The following ANKRD18B variants were observed in gnomAD, a reference collection of about 807,000 sequenced individuals.
ANKRD18B encodes ankyrin repeat domain-containing protein 18B.
In ANKRD18B, 75 loss-of-function variants were observed where a neutral mutation model predicts 111.8. That is an observed-to-expected ratio of 0.67 (90% confidence interval 0.56 to 0.81). The LOEUF is 0.81. Ranked by LOEUF, ANKRD18B falls within the 40% of genes least tolerant of loss-of-function variation. The pLI is 0.00. For synonymous variants in ANKRD18B, 356 were observed against 417.3 expected (o/e 0.85, Z 1.79); for missense variants, 1,038 against 1,225.5 (o/e 0.85, Z 2.28).
At chr9:33,556,994 A>C (rs1290881693) in intron 13 of ANKRD18B, among the ~76,000 whole-genome samples, 1 of 152,124 alleles carries the variant, frequency 6.6e-6, no homozygotes, top group African/African-American at 2.4e-5. Flanking sequence ...AAAAAAATGG[A>C]ATGTGTCTTT....
chr9:33,573,360 A>G (rs1828813637), downstream of ANKRD18B: 3 of 952,500 alleles, frequency 3.1e-6, no homozygotes, highest in South Asian at 9.8e-5. Flanking sequence ...CTCAGCCTCA[A>G]GGGTTCTTGA....
At position 33,566,949 on chromosome 9, in the gene ANKRD18B, T is replaced by G. The variant is rs553812984; in HGVS notation, c.2743-154T>G. On this transcript the variant is annotated intron_variant, in intron 15 of 18. Coordinates refer to ENST00000684830, the MANE Select transcript of ANKRD18B (RefSeq NM_001393611.1). ...GACAATTCTGAATTCAGTTATTAGT[T>G]TTGTTGATATTGCTGATAAATATTT... is the stretch of plus-strand genomic sequence containing the variant. 5.5e-4 allele frequency: 384 copies of G among 693,748 alleles called. 4 individuals carry two copies. In the South Asian group the frequency reaches 8.5e-3, roughly 15 times the overall value. The allele number at this position is 693,748 out of a possible 1,614,324, so 43.0% of individuals were successfully genotyped here.
rs961864032 is a variant in ANKRD18B at position 33,548,203 on chromosome 9, T to G, written c.1415T>G (p.Leu472Arg). ...GATCTGAAAGCTGAGAATGCAAGGC[T>G]GAATTCAAAATTGGAGAAGGAAAAA... ...LNDLKAENAR[L>R]NSKLEKEKHN... Residue 472 changes from leucine (L) to arginine (R), a missense_variant, in exon 11 of 19, where the codon CTG (leucine) becomes CGG (arginine). Physicochemically the swap from Leu to Arg is moderately radical, Grantham distance 102 (BLOSUM62 -2). Coordinates refer to ENST00000684830, the MANE Select transcript of ANKRD18B (RefSeq NM_001393611.1). 1 of 1,550,154 alleles carries G rather than the reference T, an allele frequency of 6.5e-7. No homozygotes were observed. The highest frequency in any genetic ancestry group is 1.4e-5 in the African/African-American group (1 of 72,918).
At chr9:33,559,730 T>C (rs1004055419) in intron 14 of ANKRD18B, among the ~76,000 whole-genome samples, 4 of 152,100 alleles carry the variant, frequency 2.6e-5, no homozygotes, top group Non-Finnish European at 5.9e-5. Context: ...CCCTGGCCAG[T>C]GATCTGAAAC....
chr9:33,530,545 A>AC (rs1219996155), intron 3 of ANKRD18B, among the ~76,000 whole-genome samples: 1 of 151,390 alleles, frequency 6.6e-6, no homozygotes, highest in Non-Finnish European at 1.5e-5. Flanking sequence ...AAAAAAAAAA[A>AC]AAACCTCAGT....
At chr9:33,530,474 C>G (rs1828095735) in intron 3 of ANKRD18B, among the ~76,000 whole-genome samples, 1 of 150,606 alleles carries the variant, frequency 6.6e-6, no homozygotes, top group Admixed American at 6.6e-5. Flanking sequence ...CGGTGAAACC[C>G]CGTCTCTACT....
At chr9:33,536,989 T>C (rs1271168989) in intron 6 of ANKRD18B, 44 bp downstream of exon 6, 1 of 1,408,248 alleles carries the variant, frequency 7.1e-7, no homozygotes. Flanking sequence ...TTGGTGATCT[T>C]ACTGATTTTA....
intron 11 of ANKRD18B, among the ~76,000 whole-genome samples, chr9:33,549,372 A>C (rs1480398266): frequency 6.6e-6 from 1 of 152,100 alleles, no homozygotes; most frequent in Non-Finnish European, 1.5e-5. Flanking sequence ...TCACCTATGA[A>C]ATGTTAGTAG....
rs1828729490 is a variant in ANKRD18B at position 33,569,006 on chromosome 9, T to C, written c.3177+113T>C. ...TGACTTATGCATGTTAAGTAAAGAT[T>C]ATAATTAGCTGTGTTAACACAGAAA... On this transcript the variant is annotated intron_variant, in intron 17 of 18. Transcript: ENST00000684830. 4 of 1,010,674 alleles carry C rather than the reference T, an allele frequency of 4.0e-6. No individual in the cohort carries two copies. The South Asian group carries it at 9.3e-5, about 23-fold the overall frequency. The allele number at this position is 1,010,674 out of a possible 1,614,324, so 62.6% of individuals were successfully genotyped here.
At chr9:33,557,301 G>C (rs1587272385) in intron 13 of ANKRD18B, among the ~76,000 whole-genome samples, 1 of 151,798 alleles carries the variant, frequency 6.6e-6, no homozygotes, top group East Asian at 1.9e-4. Context: ...TGTGCTTTTT[G>C]GGTGTACTTT....
At chr9:33,543,161 C>T (rs1828304322) in intron 9 of ANKRD18B, 24 bp from the exon 10 acceptor site, 3 of 1,534,574 alleles carry the variant, frequency 2.0e-6, no homozygotes, top group Middle Eastern at 1.7e-4. Context: ...TTCATTTTAA[C>T]TAAACATATG....
Position 33,572,404 on chromosome 9 carries a change from T to C in ANKRD18B, c.3312T>C (p.His1104=), listed in dbSNP as rs779208305. The C allele has an allele frequency of 1.9e-6, 3 of 1,586,252 alleles. No homozygotes were observed. Among genetic ancestry groups the C allele is most frequent in the Non-Finnish European group, 2.6e-6 (3 of 1,167,172 alleles). Residue 1104 remains histidine, a synonymous_variant, in exon 19 of 19, where the codon CAT becomes CAC. Coordinates refer to ENST00000684830, the MANE Select transcript of ANKRD18B (RefSeq NM_001393611.1). ...KPHLMKRIFN[H]KILRKSCMI is the part of the protein sequence containing the mutation. ...ATCTAATGAAGAGAATATTTAACCA[T>C]AAAATCTTAAGGAAAAGTTGTATGA...
rs1828215439 is a variant in ANKRD18B, at chr9:33,537,265, C to T, written c.808+320C>T. On this transcript the variant is annotated intron_variant, in intron 6 of 18. Coordinates refer to ENST00000684830, the MANE Select transcript of ANKRD18B (RefSeq NM_001393611.1). Reference sequence around the variant, plus strand: ...TGAGCTGAGATTGCACCACTGCACTCCAGCCTGGATGGAAGAGCAAGACTC... The same window carrying T: ...TGAGCTGAGATTGCACCACTGCACTTCAGCCTGGATGGAAGAGCAAGACTC... Among the ~76,000 whole-genome samples the T allele has an allele frequency of 3.9e-5, 6 of 151,982 alleles. No individual in the cohort carries two copies. The South Asian group carries it at 1.3e-3, about 32-fold the overall frequency.
chr9:33,543,227 T>C lies in ANKRD18B; in HGVS notation c.1121T>C (p.Leu374Pro). ...GCTTCAGAGGAAAAGCAAGAAAGGC[T>C]TGAAAGAAGTGAAAATAAACAGCCG... ...KVASEEKQER[L>P]ERSENKQPQD... The change falls in exon 10 of 19, where the codon CTT becomes CCT. Residue 374 changes from leucine (L) to proline (P), a missense_variant. Transcript: ENST00000684830. 6.4e-7 allele frequency: 1 copy of C among 1,552,798 alleles called. No individual in the cohort carries two copies. Among genetic ancestry groups the C allele is most frequent in the East Asian group, 2.4e-5 (1 of 41,088 alleles).
At chr9:33,525,967 A>G (rs1828019760) in intron 1 of ANKRD18B, among the ~76,000 whole-genome samples, 1 of 152,044 alleles carries the variant, frequency 6.6e-6, no homozygotes, top group Admixed American at 6.6e-5. Context: ...TCCACAAGAA[A>G]AGAACTCTAA....
chr9:33,534,813 C>G (rs1828172016), intron 5 of ANKRD18B, among the ~76,000 whole-genome samples: 1 of 140,624 alleles, frequency 7.1e-6, no homozygotes, highest in African/African-American at 2.6e-5. Context: ...TTTACTTTTT[C>G]TTTCTTTCTT....
chr9:33,558,048 A>G lies in ANKRD18B; in HGVS notation c.2331-10A>G. The G allele has an allele frequency of 1.3e-6, 2 of 1,572,574 alleles. No individual in the cohort carries two copies. The highest frequency in any genetic ancestry group is 1.7e-6 in the Non-Finnish European group (2 of 1,157,494). On this transcript the variant is annotated splice_polypyrimidine_tract_variant and intron_variant, in intron 13 of 18. Coordinates refer to ENST00000684830, the MANE Select transcript of ANKRD18B (RefSeq NM_001393611.1). ...AAATTCTTGACTTACCAGTTCTTAC[A>G]TTTCTGCAGATATAAGAAATGCCTA... is the stretch of plus-strand genomic sequence containing the variant.
intron 10 of ANKRD18B, among the ~76,000 whole-genome samples, chr9:33,543,712 C>T (rs990524387): frequency 6.6e-6 from 1 of 152,092 alleles, no homozygotes; most frequent in Non-Finnish European, 1.5e-5. Flanking sequence ...TTTTTGGTTT[C>T]TGGTTGCCTT....
At chr9:33,526,334 G>A (rs1445647436) in intron 1 of ANKRD18B, among the ~76,000 whole-genome samples, 1 of 152,182 alleles carries the variant, frequency 6.6e-6, no homozygotes, top group Non-Finnish European at 1.5e-5. Flanking sequence ...ATTGAAGGTG[G>A]CAATAGGTGG....
Sources: allele counts gnomAD v4.1 joint callset (sites outside exome capture counted in the v4.1 genomes callset), GRCh38; gene constraint gnomAD v4.1.1; transcripts MANE v1.5; gene names NCBI Gene and HGNC (gene_info 2026-07-23, HGNC 2026-07-21).